ZFHX3: variants seen among roughly 807,000 people sequenced by gnomAD.
ZFHX3 encodes zinc finger homeobox 3, also known as zinc finger homeobox protein 3.
Under a neutral mutation model 279.1 loss-of-function variants are expected in ZFHX3, and 42 were observed. That is an observed-to-expected ratio of 0.15 (90% CI 0.12 to 0.19). The LOEUF is 0.19. Ranked by LOEUF, ZFHX3 falls within the 10% of genes least tolerant of loss-of-function variation. The pLI is 1.00. For missense variants in ZFHX3, 4,981 were observed against 4,754.0 expected (o/e 1.05, Z -1.40); for synonymous variants, 2,293 against 1,957.8 (o/e 1.17, Z -4.52).
chr16:73,422,005 G>A (rs1045862926), intron 3 of ZFHX3, among the ~76,000 whole-genome samples: 1 of 152,090 alleles, frequency 6.6e-6, no homozygotes, highest in Non-Finnish European at 1.5e-5. Flanking sequence ...GCACCTGCTT[G>A]GAGCTTCCTC....
At chr16:73,375,801 C>G (rs2143352591) in intron 3 of ZFHX3, among the ~76,000 whole-genome samples, 1 of 152,306 alleles carries the variant, frequency 6.6e-6, no homozygotes, top group African/African-American at 2.4e-5. Context: ...GATATCATTA[C>G]TGAAAACAGC....
At chr16:73,603,392 G>C (rs1325341552) in intron 2 of ZFHX3, among the ~76,000 whole-genome samples, 1 of 152,102 alleles carries the variant, frequency 6.6e-6, no homozygotes, top group African/African-American at 2.4e-5. Context: ...TAATACAACT[G>C]GCTAATAAGC....
At chr16:73,516,344 C>T (rs2019521411) in intron 2 of ZFHX3, among the ~76,000 whole-genome samples, 1 of 152,126 alleles carries the variant, frequency 6.6e-6, no homozygotes, top group Non-Finnish European at 1.5e-5. Context: ...TGTGTGTGTG[C>T]ATGCATACAC....
chr16:73,685,289 T>C (rs1351132872), intron 1 of ZFHX3, among the ~76,000 whole-genome samples: 1 of 152,190 alleles, frequency 6.6e-6, no homozygotes, highest in African/African-American at 2.4e-5. Flanking sequence ...GTGCTGGGAT[T>C]ACAGGCGTGA....
intron 3 of ZFHX3, among the ~76,000 whole-genome samples, chr16:73,432,274 C>T (rs1393343948): frequency 6.6e-6 from 1 of 152,130 alleles, no homozygotes; most frequent in African/African-American, 2.4e-5. Context: ...CTCTCTCATA[C>T]ATCCAAGACT....
intron 1 of ZFHX3, among the ~76,000 whole-genome samples, chr16:73,718,523 G>A (rs1377322083): frequency 6.6e-6 from 1 of 152,244 alleles, no homozygotes; most frequent in Non-Finnish European, 1.5e-5. Context: ...AAATCTAGCT[G>A]AGGGTAGGAG....
chr16:72,937,334 C>T (rs532490640), intron 3 of ZFHX3, among the ~76,000 whole-genome samples: 13 of 152,272 alleles, frequency 8.5e-5, no homozygotes, highest in African/African-American at 2.2e-4. Context: ...TAACACTCAT[C>T]GTGAAGTCAC....
At chr16:73,833,327 A>G (rs1961049520) in intron 1 of ZFHX3, among the ~76,000 whole-genome samples, 1 of 152,154 alleles carries the variant, frequency 6.6e-6, no homozygotes, top group Admixed American at 6.5e-5. Context: ...CATACCACTC[A>G]AGTCTGGGCA....
At chr16:73,787,848 T>TGAAA (rs1471075299) in intron 1 of ZFHX3, among the ~76,000 whole-genome samples, 7 of 148,912 alleles carry the variant, frequency 4.7e-5, no homozygotes, top group African/African-American at 1.5e-4. Flanking sequence ...TGTGTGTGTG[T>TGAAA]GTGTGAAAGA....
chr16:73,668,640 CTT>C (rs111584639), intron 2 of ZFHX3, among the ~76,000 whole-genome samples: 21 of 141,864 alleles, frequency 1.5e-4, no homozygotes, highest in Non-Finnish European at 1.5e-4. Context: ...TAAACTCATC[CTT>C]TTTTTTTTTT....
chr16:73,569,704 A>AT (rs2051715077), intron 2 of ZFHX3, among the ~76,000 whole-genome samples: 1 of 152,240 alleles, frequency 6.6e-6, no homozygotes. Context: ...TTTCAAAATC[A>AT]TGCATTATGT....
intron 5 of ZFHX3, among the ~76,000 whole-genome samples, chr16:73,167,453 T>G (rs1287198392): frequency 6.6e-6 from 1 of 152,232 alleles, no homozygotes; most frequent in African/African-American, 2.4e-5. Flanking sequence ...TGAAATTGCT[T>G]TGCTGAATGT....
chr16:72,994,605 G>A (rs1382689221), intron 1 of ZFHX3, among the ~76,000 whole-genome samples: 1 of 152,220 alleles, frequency 6.6e-6, no homozygotes, highest in Non-Finnish European at 1.5e-5. Context: ...ATGGCAGGGA[G>A]CAGCAGGCTC....
chr16:72,854,269 T>C (rs567136490), intron 4 of ZFHX3, among the ~76,000 whole-genome samples: 1 of 152,354 alleles, frequency 6.6e-6, no homozygotes, highest in Admixed American at 6.5e-5. Context: ...TTGCCTCCCA[T>C]GTTTGAGGAT....
intron 2 of ZFHX3, among the ~76,000 whole-genome samples, chr16:73,515,227 T>G (rs1160211555): frequency 6.6e-6 from 1 of 152,188 alleles, no homozygotes; most frequent in Non-Finnish European, 1.5e-5. Context: ...AGTCTTCTCA[T>G]CTTTCTGTTA....
At chr16:73,069,325 AG>A (rs1597146516) in intron 8 of ZFHX3, among the ~76,000 whole-genome samples, 1 of 152,192 alleles carries the variant, frequency 6.6e-6, no homozygotes, top group East Asian at 1.9e-4. Context: ...TCCCCCAATA[AG>A]GGATGTTAAG....
chr16:73,278,680 G>C (rs371981881), intron 4 of ZFHX3, among the ~76,000 whole-genome samples: 1 of 152,138 alleles, frequency 6.6e-6, no homozygotes, highest in Non-Finnish European at 1.5e-5. Context: ...AGTCCTCCCT[G>C]CTATTGGTTA....
chr16:73,117,478 A>G (rs184990174), intron 7 of ZFHX3, among the ~76,000 whole-genome samples: 14 of 152,338 alleles, frequency 9.2e-5, no homozygotes, highest in African/African-American at 2.9e-4. Context: ...CAGGTTGAAA[A>G]CACATGATCA....
intron 5 of ZFHX3, among the ~76,000 whole-genome samples, chr16:73,153,560 G>A (rs1184804227): frequency 6.6e-6 from 1 of 152,138 alleles, no homozygotes; most frequent in African/African-American, 2.4e-5. Flanking sequence ...AGGAAGACTT[G>A]GGTCCTTTCC....
Sources: allele counts gnomAD v4.1 joint callset (sites outside exome capture counted in the v4.1 genomes callset), GRCh38; gene constraint gnomAD v4.1.1; transcripts MANE v1.5; gene names NCBI Gene and HGNC (gene_info 2026-07-23, HGNC 2026-07-21).